PCDHAC1: variants seen among roughly 807,000 people sequenced by gnomAD.
PCDHAC1 encodes protocadherin alpha-C1.
Under a neutral mutation model 60.0 loss-of-function variants are expected in PCDHAC1, and 42 were observed. The observed-to-expected ratio is 0.70, with a 90% confidence interval of 0.55 to 0.90. The LOEUF (loss-of-function observed/expected upper bound fraction) is 0.90, where lower values mean the gene tolerates loss of function less well. PCDHAC1 is among the 40% of genes least tolerant of loss of function. The pLI is 0.00. For synonymous variants in PCDHAC1, 468 were observed against 499.3 expected (o/e 0.94, Z 0.84); for missense variants, 1,160 against 1,222.3 (o/e 0.95, Z 0.76).
At chr5:140,976,403 TA>T (rs1469780321) in intron 1 of PCDHAC1, among the ~76,000 whole-genome samples, 1 of 151,936 alleles carries the variant, frequency 6.6e-6, no homozygotes, top group Non-Finnish European at 1.5e-5. Flanking sequence ...ATTCAAAAAT[TA>T]GCCAGGTACG....
chr5:140,946,611 A>AATATATATATAT lies in PCDHAC1; in HGVS notation c.2433+17296_2433+17307dup, dbSNP rs1554217734. 3.4e-3 allele frequency among the ~76,000 whole-genome samples: 291 copies of AATATATATATAT among 86,770 alleles called. 7 individuals carry two copies. The highest frequency in any genetic ancestry group is 4.0e-3 in the Non-Finnish European group (186 of 46,640). 56.9% of individuals were successfully genotyped at this position (86,770 alleles called of 152,430 possible). A position where few individuals can be genotyped will look rare whatever the true frequency, so the allele number is the denominator to read the frequency against. On this transcript the variant is annotated intron_variant, in intron 1 of 3. Coordinates refer to ENST00000253807, the MANE Select transcript of PCDHAC1 (RefSeq NM_018898.5). ...GGATGAATAGATAAAGAAAATGTGA[A>AATATATATATAT]ATATATATATATATATATATACAAT...
At chr5:140,942,860 G>T (rs1262172468) in intron 1 of PCDHAC1, among the ~76,000 whole-genome samples, 15 of 151,964 alleles carry the variant, frequency 9.9e-5, no homozygotes, top group Admixed American at 9.8e-4. Context: ...TGATTATTTT[G>T]CTTTAGCATG....
chr5:140,971,401 G>A (rs2096476846), intron 1 of PCDHAC1, among the ~76,000 whole-genome samples: 1 of 152,164 alleles, frequency 6.6e-6, no homozygotes, highest in Admixed American at 6.5e-5. Context: ...ATTTCTGCCA[G>A]GCACTTTTGG....
At chr5:140,976,241 T>C (rs1170027788) in intron 1 of PCDHAC1, among the ~76,000 whole-genome samples, 3 of 152,144 alleles carry the variant, frequency 2.0e-5, no homozygotes, top group African/African-American at 4.8e-5. Context: ...TGTCATTTCA[T>C]GTAAATTTAT....
intron 1 of PCDHAC1, among the ~76,000 whole-genome samples, chr5:140,956,090 C>T (rs964801271): frequency 1.3e-5 from 2 of 152,162 alleles, no homozygotes; most frequent in Non-Finnish European, 2.9e-5. Flanking sequence ...ATGTCATCTG[C>T]AAACAAAGAT....
At chr5:140,968,494 C>T in intron 1 of PCDHAC1, 1 of 1,614,096 alleles carries the variant, frequency 6.2e-7, no homozygotes, top group Non-Finnish European at 8.5e-7. Flanking sequence ...ATGACCATGC[C>T]CCTCACATTC....
At chr5:140,961,108 C>T (rs1027018505) in intron 1 of PCDHAC1, among the ~76,000 whole-genome samples, 1 of 152,174 alleles carries the variant, frequency 6.6e-6, no homozygotes, top group Non-Finnish European at 1.5e-5. Flanking sequence ...CACCCAACCC[C>T]CTTGCATCTT....
In PCDHAC1 at chr5:140,982,464, T is replaced by C; in HGVS notation, c.2493-11T>C. 6.2e-7 allele frequency: 1 copy of C among 1,614,112 alleles called. No individual in the cohort carries two copies. Among genetic ancestry groups the C allele is most frequent in the Non-Finnish European group, 8.5e-7 (1 of 1,180,010 alleles). ...GATCTAACCGTTATCTGGGTCTGTG[T>C]GTTTATTCAGCTCTGTGCACCTAGA... On this transcript the variant is annotated splice_polypyrimidine_tract_variant and intron_variant, in intron 2 of 3. Coordinates refer to ENST00000253807, the MANE Select transcript of PCDHAC1 (RefSeq NM_018898.5).
intron 2 of PCDHAC1, among the ~76,000 whole-genome samples, chr5:140,981,680 C>T (rs1238332235): frequency 6.6e-6 from 1 of 151,746 alleles, no homozygotes; most frequent in Non-Finnish European, 1.5e-5. Flanking sequence ...CTTCCTTCCT[C>T]CCTTCCATCA....
intron 1 of PCDHAC1, chr5:140,967,227 A>G (rs1586199202): frequency 1.2e-6 from 2 of 1,613,742 alleles, no homozygotes; most frequent in Admixed American, 1.7e-5. Flanking sequence ...CCCAACTACC[A>G]GCTTCAGGTA....
rs2098331172 is a variant in PCDHAC1, at chr5:141,007,465, G to A, written c.2582-2162G>A. Among the ~76,000 whole-genome samples, 5 of 151,906 alleles carry A rather than the reference G, an allele frequency of 3.3e-5. No individual in the cohort carries two copies. The South Asian group carries it at 1.0e-3, about 32-fold the overall frequency. ...TGCCTGTAGTCCCAGCTACTCAGGA[G>A]GCTGAGGCACGAGAATTACTTGGAC... On this transcript the variant is annotated intron_variant, in intron 3 of 3. Transcript: ENST00000253807.
intron 3 of PCDHAC1, among the ~76,000 whole-genome samples, chr5:140,993,758 T>C (rs1205942777): frequency 6.6e-6 from 1 of 152,226 alleles, no homozygotes; most frequent in Non-Finnish European, 1.5e-5. Flanking sequence ...GCCATTATAT[T>C]ACAATTGCGC....
intron 1 of PCDHAC1, among the ~76,000 whole-genome samples, chr5:140,943,257 C>CAAA (rs1238620023): frequency 1.0e-4 from 8 of 76,640 alleles, no homozygotes; most frequent in Admixed American, 6.0e-4. Context: ...GACTCTGTCT[C>CAAA]AAAAAAAAAA....
At chr5:141,007,985 A>C (rs2153994605) in intron 3 of PCDHAC1, among the ~76,000 whole-genome samples, 1 of 152,322 alleles carries the variant, frequency 6.6e-6, no homozygotes, top group South Asian at 2.1e-4. Context: ...TGTATATATG[A>C]AATGTACATG....
chr5:140,936,831 A>T lies in PCDHAC1; in HGVS notation c.2433+7506A>T, dbSNP rs142448727. 3.1e-3 allele frequency among the ~76,000 whole-genome samples: 478 copies of T among 152,252 alleles called. 2 individuals are homozygous for T. Among genetic ancestry groups the T allele is most frequent in the African/African-American group, 0.011 (455 of 41,554 alleles). Reference sequence around the variant, plus strand: ...GCTATTTTTGGCCCTTTGCATTTCTATATAAATTGTAGATTCAGCTTCTCA... The same window carrying T: ...GCTATTTTTGGCCCTTTGCATTTCTTTATAAATTGTAGATTCAGCTTCTCA... On this transcript the variant is annotated intron_variant, in intron 1 of 3. Transcript: ENST00000253807.
intron 1 of PCDHAC1, chr5:140,967,400 C>T: frequency 6.2e-7 from 1 of 1,611,718 alleles, no homozygotes; most frequent in South Asian, 1.1e-5. Context: ...GCTGGTGCTG[C>T]GTAAGGGCCT....
intron 1 of PCDHAC1, chr5:140,967,982 G>T (rs1563372383): frequency 1.9e-6 from 3 of 1,614,224 alleles, no homozygotes; most frequent in Non-Finnish European, 2.5e-6. Context: ...GGGTCTGGAG[G>T]CCACACTGCC....
At chr5:140,995,410 T>C (rs555899259) in intron 3 of PCDHAC1, among the ~76,000 whole-genome samples, 1 of 152,310 alleles carries the variant, frequency 6.6e-6, no homozygotes, top group Non-Finnish European at 1.5e-5. Flanking sequence ...CGAGATTTCA[T>C]CACATTACTC....
intron 1 of PCDHAC1, chr5:140,967,709 G>T: frequency 6.2e-7 from 1 of 1,614,140 alleles, no homozygotes; most frequent in Non-Finnish European, 8.5e-7. Context: ...TGCCAGTACC[G>T]GGGAAGTGCG....
Sources: allele counts gnomAD v4.1 joint callset (sites outside exome capture counted in the v4.1 genomes callset), GRCh38; gene constraint gnomAD v4.1.1; transcripts MANE v1.5; gene names NCBI Gene and HGNC (gene_info 2026-07-23, HGNC 2026-07-21).